Variants in TPST2 observed in about 807,000 individuals in gnomAD.
The protein encoded by TPST2 is protein-tyrosine sulfotransferase 2.
A neutral mutation model predicts 27.8 loss-of-function variants in TPST2; 16 were observed. The ratio of observed to expected loss-of-function variants is 0.58; its 90% CI spans 0.39 to 0.88. The LOEUF (loss-of-function observed/expected upper bound fraction) is 0.88, where lower values mean the gene tolerates loss of function less well. Among genes scored for constraint, TPST2 ranks in the 40% least tolerant of loss-of-function variants. The pLI is 0.00. For synonymous variants in TPST2, 229 were observed against 231.7 expected (o/e 0.99, Z 0.10); for missense variants, 464 against 543.1 (o/e 0.85, Z 1.45).
intron 1 of TPST2, among the ~76,000 whole-genome samples, chr22:26,566,136 G>T (rs1197749950): frequency 6.6e-6 from 1 of 152,214 alleles, no homozygotes; most frequent in Non-Finnish European, 1.5e-5. Flanking sequence ...TAAACTCCTG[G>T]CCAGGCACGG....
Position 26,541,498 on chromosome 22 carries a change from T to C in TPST2, c.133A>G (p.Met45Val), listed in dbSNP as rs1273372464. 1.2e-6 allele frequency: 2 copies of C among 1,611,946 alleles called. No individual in the cohort carries two copies. The highest frequency in any genetic ancestry group is 1.7e-6 in the Non-Finnish European group (2 of 1,179,006). ...LAGLRSPRGA[M>V]RPEQEELVMV... ...ACCAGCTCCTCCTGCTCAGGCCGCATGGCCCCCCGGGGGCTCCGCAGGCCC... is the reference window on the plus strand; with the variant it reads ...ACCAGCTCCTCCTGCTCAGGCCGCACGGCCCCCCGGGGGCTCCGCAGGCCC... Residue 45 changes from methionine to valine, a missense_variant, in exon 3 of 7, where the codon ATG (methionine) becomes GTG (valine). Transcript: ENST00000338754. This position sits in a 1 kb window ranked among gnomAD's most constrained non-coding sequence, Gnocchi z 5.9.
intron 3 of TPST2, among the ~76,000 whole-genome samples, chr22:26,537,438 G>A (rs903793139): frequency 6.6e-6 from 1 of 152,180 alleles, no homozygotes; most frequent in African/African-American, 2.4e-5. Context: ...GTGCTTAGAA[G>A]AGCGTAGGCA....
intron 1 of TPST2, among the ~76,000 whole-genome samples, chr22:26,570,460 C>T (rs1247741993): frequency 1.3e-5 from 2 of 152,126 alleles, no homozygotes; most frequent in African/African-American, 4.8e-5. Flanking sequence ...TTCTCTACAG[C>T]CCCATGAAAA....
intron 1 of TPST2, among the ~76,000 whole-genome samples, chr22:26,570,281 C>T (rs1927581237): frequency 6.6e-6 from 1 of 152,056 alleles, no homozygotes; most frequent in Non-Finnish European, 1.5e-5. Flanking sequence ...CTAGTCGGTC[C>T]TGGGCGCCAG....
At chr22:26,527,713 C>T (rs1290524703) in intron 6 of TPST2, among the ~76,000 whole-genome samples, 1 of 152,218 alleles carries the variant, frequency 6.6e-6, no homozygotes, top group Non-Finnish European at 1.5e-5. Context: ...ATCATGTCAT[C>T]CGCCTCCCAA....
At chr22:26,582,035 C>T (rs574715514) in intron 1 of TPST2, among the ~76,000 whole-genome samples, 2 of 152,350 alleles carry the variant, frequency 1.3e-5, no homozygotes, top group African/African-American at 4.8e-5. Flanking sequence ...TCCAGACCCT[C>T]ACTATTCCAA....
chr22:26,588,347 G>C (rs1325889763), intron 1 of TPST2, among the ~76,000 whole-genome samples: 1 of 152,180 alleles, frequency 6.6e-6, no homozygotes, highest in African/African-American at 2.4e-5. Flanking sequence ...CAAATTCATA[G>C]AGAATTTGAG....
intron 1 of TPST2, among the ~76,000 whole-genome samples, chr22:26,581,052 ACG>A (rs1362619082): frequency 1.6e-3 from 106 of 65,566 alleles, no homozygotes; most frequent in Admixed American, 7.7e-3. Flanking sequence ...ACACACACAC[ACG>A]CACACACACA....
chr22:26,529,682 C>G (rs1288240166), intron 5 of TPST2, among the ~76,000 whole-genome samples: 1 of 152,200 alleles, frequency 6.6e-6, no homozygotes, highest in East Asian at 1.9e-4. Flanking sequence ...ACCCATCCCC[C>G]ATACCTCACC....
In TPST2 at chr22:26,540,792, G is replaced by A. The variant is rs1206553582; in HGVS notation, c.839C>T (p.Ser280Phe). Reference sequence around the variant, plus strand: ...AAGCATCAGGGGCTCCACTCACTTGGACAGGGAGACACCACCGGGCTTGCC... The same window carrying A: ...AAGCATCAGGGGCTCCACTCACTTGAACAGGGAGACACCACCGGGCTTGCC... ...LIGKPGGVSL[S>F]KIERSTDQVI... Residue 280 changes from serine (S) to phenylalanine (F), a missense_variant, in exon 3 of 7, where the codon TCC becomes TTC. Physicochemically the swap from Ser to Phe is radical, Grantham distance 155 (BLOSUM62 -2). Transcript: ENST00000338754. 3.8e-6 allele frequency: 6 copies of A among 1,582,492 alleles called. No homozygotes were observed. Among genetic ancestry groups the A allele is most frequent in the Non-Finnish European group, 5.2e-6 (6 of 1,161,214 alleles).
At chr22:26,544,418 T>A (rs916547062) in intron 2 of TPST2, among the ~76,000 whole-genome samples, 186 bp downstream of exon 2, 5 of 152,316 alleles carry the variant, frequency 3.3e-5, no homozygotes, top group African/African-American at 1.2e-4. Context: ...TCTATGATGC[T>A]TGCTGGGATG....
chr22:26,529,959 G>A (rs1175848846), intron 5 of TPST2, among the ~76,000 whole-genome samples: 1 of 152,132 alleles, frequency 6.6e-6, no homozygotes, highest in Non-Finnish European at 1.5e-5. Context: ...CTCCCTTTGT[G>A]GGAATCAGAG....
At chr22:26,577,710 A>G (rs1471045240) in intron 1 of TPST2, among the ~76,000 whole-genome samples, 2 of 137,354 alleles carry the variant, frequency 1.5e-5, no homozygotes, top group Admixed American at 7.6e-5. Context: ...CCAGGCTGGA[A>G]TGCAGTGGCA....
intron 1 of TPST2, among the ~76,000 whole-genome samples, chr22:26,566,585 GA>G (rs200515336): frequency 1.7e-4 from 25 of 149,444 alleles, no homozygotes; most frequent in South Asian, 8.5e-4. Flanking sequence ...AAAAGAAAAA[GA>G]AAAAAAAATA....
intron 3 of TPST2, among the ~76,000 whole-genome samples, chr22:26,538,446 G>A (rs1925602314): frequency 6.6e-6 from 1 of 152,220 alleles, no homozygotes; most frequent in African/African-American, 2.4e-5. Flanking sequence ...AGTAAAACTG[G>A]AAATAACCGA....
rs750860903 is a variant in TPST2 at position 26,541,515 on chromosome 22, C to T, written c.116G>A (p.Arg39Gln). 1.2e-5 allele frequency: 20 copies of T among 1,611,486 alleles called. 1 individual carries two copies. The Admixed American group carries it at 1.3e-4, about 11-fold the overall frequency. Reference protein sequence around the residue: ...LECRAVLAGLRSPRGAMRPEQ... With the variant: ...LECRAVLAGLQSPRGAMRPEQ... ...AGGCCGCATGGCCCCCCGGGGGCTCCGCAGGCCCGCCAGCACCGCCCGGCA... is the reference window on the plus strand; with the variant it reads ...AGGCCGCATGGCCCCCCGGGGGCTCTGCAGGCCCGCCAGCACCGCCCGGCA... Residue 39 changes from arginine (R) to glutamine (Q), a missense_variant, in exon 3 of 7, where the codon CGG becomes CAG. By Grantham distance (43) the Arg-to-Gln change is conservative. Coordinates refer to ENST00000338754, the MANE Select transcript of TPST2 (RefSeq NM_003595.5). This position sits in a 1 kb window ranked among gnomAD's most constrained non-coding sequence, Gnocchi z 5.9.
rs1927920636 is a variant in TPST2 at position 26,577,921 on chromosome 22, TA to T, written c.-161+12131del. 4.6e-5 allele frequency among the ~76,000 whole-genome samples: 7 copies of T among 152,090 alleles called. 1 individual carries two copies. The South Asian group carries it at 1.5e-3, about 32-fold the overall frequency. On this transcript the variant is annotated intron_variant, in intron 1 of 6. Transcript: ENST00000338754. ...AGGAGGTCTAGACCTCCTAAAGTGC[TA>T]GGATTACAGGCATTAGCCACCATGC...
chr22:26,541,479 T>A lies in TPST2; in HGVS notation c.152A>T (p.Glu51Val). The change falls in exon 3 of 7, where the codon GAG becomes GTG. Residue 51 changes from glutamate (E) to valine (V), a missense_variant. Transcript: ENST00000338754. This position sits in a 1 kb window ranked among gnomAD's most constrained non-coding sequence, Gnocchi z 5.9. The stretch of plus-strand genomic sequence containing the variant: ...GTGGTTGGTGCCCACCATCACCAGC[T>A]CCTCCTGCTCAGGCCGCATGGCCCC... ...PRGAMRPEQE[E>V]LVMVGTNHVE... is the part of the protein sequence containing the mutation. 1 of 1,611,138 alleles carries A rather than the reference T, an allele frequency of 6.2e-7. No individual in the cohort carries two copies. Among genetic ancestry groups the A allele is most frequent in the South Asian group, 1.1e-5 (1 of 90,794 alleles).
chr22:26,544,434 T>G (rs1926015539), intron 2 of TPST2, among the ~76,000 whole-genome samples, 170 bp downstream of exon 2: 1 of 152,160 alleles, frequency 6.6e-6, no homozygotes, highest in Non-Finnish European at 1.5e-5. Flanking sequence ...GGATGCAGCT[T>G]TTTCTAGTAC....
Sources: allele counts gnomAD v4.1 joint callset (sites outside exome capture counted in the v4.1 genomes callset), GRCh38; gene constraint gnomAD v4.1.1; non-coding constraint Gnocchi (gnomAD v3.1); transcripts MANE v1.5; gene names NCBI Gene and HGNC (gene_info 2026-07-23, HGNC 2026-07-21).